Variants in DPP6 observed in about 807,000 individuals in gnomAD.
The protein encoded by DPP6 is dipeptidyl peptidase like 6.
In DPP6, 69 loss-of-function variants were observed where a neutral mutation model predicts 122.6. The ratio of observed to expected loss-of-function variants is 0.56; its 90% CI spans 0.46 to 0.69. The LOEUF is 0.69. Among genes scored for constraint, DPP6 ranks in the 30% least tolerant of loss-of-function variants. The probability of loss-of-function intolerance (pLI) is 0.00; values close to 1 mark genes in which losing one functional copy is unlikely to be tolerated. For missense variants in DPP6, 928 were observed against 1,116.9 expected (o/e 0.83, Z 2.41); for synonymous variants, 418 against 433.1 (o/e 0.97, Z 0.43).
chr7:154,540,671 C>T (rs749538874), intron 4 of DPP6, 45 bp downstream of exon 4: 27 of 1,198,374 alleles, frequency 2.3e-5, no homozygotes, highest in Non-Finnish European at 3.2e-5. Flanking sequence ...GTTTTTCTTC[C>T]TGCAAGTCAA....
intron 5 of DPP6, among the ~76,000 whole-genome samples, chr7:154,592,808 G>A (rs952561275): frequency 1.3e-5 from 2 of 152,158 alleles, no homozygotes; most frequent in Admixed American, 6.5e-5. Flanking sequence ...CTACACACAG[G>A]GGCAGGCTCA....
At chr7:154,279,525 G>A (rs1354029334) in intron 1 of DPP6, among the ~76,000 whole-genome samples, 4 of 152,168 alleles carry the variant, frequency 2.6e-5, no homozygotes, top group Non-Finnish European at 5.9e-5. Flanking sequence ...ACAGCAATAT[G>A]TAGAGTAGCA....
At chr7:154,136,583 T>C (rs1476472117) in intron 1 of DPP6, among the ~76,000 whole-genome samples, 3 of 152,202 alleles carry the variant, frequency 2.0e-5, no homozygotes, top group Non-Finnish European at 4.4e-5. Context: ...TCCTAAAATC[T>C]TTTCAAAATG....
intron 7 of DPP6, among the ~76,000 whole-genome samples, chr7:154,716,340 C>A (rs554125400): frequency 6.6e-6 from 1 of 152,276 alleles, no homozygotes; most frequent in South Asian, 2.1e-4. Flanking sequence ...GTGTCTTTTA[C>A]CACCCTGCAT....
At chr7:153,871,089 C>T in the DPP6 span, among the ~76,000 whole-genome samples, 170 of 152,254 alleles carry the variant, frequency 1.1e-3, no homozygotes, top group African/African-American at 2.7e-3. Context: ...TTAGGCTATT[C>T]GGGGGTCAGG....
At chr7:153,962,268 C>G (rs1229994129) in intron 1 of DPP6, among the ~76,000 whole-genome samples, 2 of 152,064 alleles carry the variant, frequency 1.3e-5, no homozygotes, top group Admixed American at 1.3e-4. Flanking sequence ...CTTTGTACTC[C>G]AATGGCCTAT....
chr7:154,263,712 A>G (rs1195427141), intron 1 of DPP6, among the ~76,000 whole-genome samples: 1 of 151,896 alleles, frequency 6.6e-6, no homozygotes, highest in Non-Finnish European at 1.5e-5. Flanking sequence ...TTTTGAGACA[A>G]AGTCTCACTC....
intron 1 of DPP6, among the ~76,000 whole-genome samples, chr7:154,013,035 C>T (rs145566099): frequency 4.6e-5 from 7 of 152,146 alleles, no homozygotes; most frequent in African/African-American, 1.2e-4. Flanking sequence ...CAGGCTCACT[C>T]GCTGATTTCT....
At chr7:153,895,684 ATATG>A (rs2128995840) in intron 1 of DPP6, among the ~76,000 whole-genome samples, 1 of 152,108 alleles carries the variant, frequency 6.6e-6, no homozygotes, top group African/African-American at 2.4e-5. Flanking sequence ...GGAAGACTGT[ATATG>A]TGTGTGTGTA....
At chr7:154,266,581 A>G (rs1255110762) in intron 1 of DPP6, among the ~76,000 whole-genome samples, 1 of 152,238 alleles carries the variant, frequency 6.6e-6, no homozygotes, top group Non-Finnish European at 1.5e-5. Flanking sequence ...TCTGTCCCAA[A>G]TAAAGGACAA....
rs186331968 is a variant in DPP6, at chr7:154,402,777, T to G, written c.244-43437T>G. Among the ~76,000 whole-genome samples, 467 of 145,862 alleles carry G rather than the reference T, an allele frequency of 3.2e-3. 7 individuals are homozygous for G. The highest frequency in any genetic ancestry group is 0.012 in the African/African-American group (435 of 37,170). On this transcript the variant is annotated intron_variant, in intron 1 of 25. Transcript: ENST00000377770. Reference sequence around the variant, plus strand: ...AATAAATTTAAAAAAAAGAAAAAAATAAAAATAAAAATAAAAATAAAACTC... The same window carrying G: ...AATAAATTTAAAAAAAAGAAAAAAAGAAAAATAAAAATAAAAATAAAACTC...
At chr7:154,290,870 C>G (rs1047666849) in intron 1 of DPP6, among the ~76,000 whole-genome samples, 1 of 152,126 alleles carries the variant, frequency 6.6e-6, no homozygotes. Context: ...GACTTGGAGC[C>G]CTTCAAAGCC....
At chr7:154,601,742 T>G (rs1833415427) in intron 5 of DPP6, among the ~76,000 whole-genome samples, 1 of 120,924 alleles carries the variant, frequency 8.3e-6, no homozygotes. Flanking sequence ...CTAATTTATC[T>G]TAGTGCCTAT....
intron 20 of DPP6, chr7:154,876,506 C>T (rs1110076): frequency 0.011 from 1,842 of 160,690 alleles, 14 homozygotes; most frequent in East Asian, 0.034. Flanking sequence ...GGGCTGGATC[C>T]GTGGAAATGG....
the DPP6 span, among the ~76,000 whole-genome samples, chr7:153,814,054 T>C: frequency 2.0e-5 from 3 of 152,268 alleles, no homozygotes; most frequent in Middle Eastern, 3.4e-3. Flanking sequence ...ATTTTGGCTT[T>C]TGTTGCCATT....
intron 10 of DPP6, among the ~76,000 whole-genome samples, chr7:154,783,169 C>T (rs1177547332): frequency 6.6e-6 from 1 of 152,142 alleles, no homozygotes; most frequent in Non-Finnish European, 1.5e-5. Context: ...CTGCTTTCTC[C>T]CCTAATTGCA....
intron 1 of DPP6, among the ~76,000 whole-genome samples, chr7:153,899,439 G>A (rs1309205087): frequency 6.6e-6 from 1 of 152,136 alleles, no homozygotes; most frequent in Non-Finnish European, 1.5e-5. Context: ...GGAATGCAAT[G>A]GATCGTCTCG....
chr7:153,973,583 G>A (rs147823325), intron 1 of DPP6, among the ~76,000 whole-genome samples: 96 of 151,432 alleles, frequency 6.3e-4, no homozygotes, highest in African/African-American at 2.3e-3. Context: ...AACAGGGGTG[G>A]GAGTCTGGTG....
intron 6 of DPP6, among the ~76,000 whole-genome samples, chr7:154,640,850 T>C (rs1482337667): frequency 1.3e-5 from 2 of 152,222 alleles, no homozygotes; most frequent in African/African-American, 4.8e-5. Flanking sequence ...AAAACACATA[T>C]CTGTACCTTT....
Sources: gnomAD v4.1 joint callset for allele counts (sites outside exome capture counted in the v4.1 genomes callset) on GRCh38, gnomAD v4.1.1 for gene constraint, MANE v1.5 for transcripts, NCBI Gene and HGNC (gene_info 2026-07-23, HGNC 2026-07-21) for gene names.